UNKL: variants seen among roughly 807,000 people sequenced by gnomAD.
UNKL encodes the protein unk like zinc finger.
In UNKL, 60 loss-of-function variants were observed where a neutral mutation model predicts 78.0. The observed-to-expected ratio is 0.77, with a 90% confidence interval of 0.63 to 0.95. The LOEUF (loss-of-function observed/expected upper bound fraction) is 0.95, where lower values mean the gene tolerates loss of function less well. Among genes scored for constraint, UNKL ranks in the 40% least tolerant of loss-of-function variants. The pLI, the probability that UNKL is intolerant of heterozygous loss-of-function variation, is 0.00. For synonymous variants in UNKL, 608 were observed against 474.8 expected (o/e 1.28, Z -3.65); for missense variants, 1,159 against 1,045.7 (o/e 1.11, Z -1.49).
Position 1,413,878 on chromosome 16 carries a change from G to C in UNKL, c.255C>G (p.Asn85Lys), listed in dbSNP as rs1189803823. ...CGTCGGGGCACACGCCGGTGGCTTC[G>C]TTGTACTTGGAGCAGTACACGTCGG... ...YSPDVYCSKY[N>K]EATGVCPDGD... Residue 85 changes from asparagine to lysine, a missense_variant, in exon 2 of 15, where the codon AAC (asparagine) becomes AAG (lysine). Transcript: ENST00000389221. 3 of 1,538,370 alleles carry C rather than the reference G, an allele frequency of 2.0e-6. No homozygotes were observed. The highest frequency in any genetic ancestry group is 2.6e-6 in the Non-Finnish European group (3 of 1,135,836).
rs774326698 is a variant in UNKL, at chr16:1,399,410, C to T, written c.698G>A (p.Arg233Gln). 15 of 1,604,464 alleles carry T rather than the reference C, an allele frequency of 9.3e-6. No homozygotes were observed. Among genetic ancestry groups the T allele is most frequent in the East Asian group, 2.2e-5 (1 of 44,536 alleles). The change falls in exon 5 of 15, where the codon CGG becomes CAG. Residue 233 changes from arginine to glutamine, a missense_variant. By Grantham distance (43) the Arg-to-Gln change is conservative. Transcript: ENST00000389221. The surrounding 1 kb of genome is among the most constrained non-coding windows in gnomAD (Gnocchi z 5.8). ...GYACPHYHNSRDRRRNPRRFQ... is the reference protein window; with the variant it reads ...GYACPHYHNSQDRRRNPRRFQ... Reference sequence around the variant, plus strand: ...CCGCCGGGGGTTGCGCCGCCTGTCCCGGCTATTGTGGTAGTGTGGGCACGC... The same window carrying T: ...CCGCCGGGGGTTGCGCCGCCTGTCCTGGCTATTGTGGTAGTGTGGGCACGC...
intron 13 of UNKL, 119 bp downstream of exon 13, chr16:1,367,537 G>T: frequency 1.9e-6 from 1 of 534,494 alleles, no homozygotes; most frequent in Non-Finnish European, 2.5e-6. Flanking sequence ...CCCCCCACAC[G>T]CTCACCTGAG....
intron 2 of UNKL, chr16:1,412,021 G>T (rs1468974144): frequency 6.6e-6 from 1 of 152,174 alleles, no homozygotes; most frequent in African/African-American, 2.4e-5. Flanking sequence ...TGGAGAATCA[G>T]CTCCTTCCAA....
At chr16:1,379,474 G>A (rs1391680261) in intron 10 of UNKL, 2 of 984,728 alleles carry the variant, frequency 2.0e-6, no homozygotes, top group Admixed American at 6.2e-5. Flanking sequence ...CCGGGCCTCT[G>A]AGAAGCCCGG....
At position 1,371,626 on chromosome 16, in the gene UNKL, C is replaced by T; in HGVS notation, c.1265-15G>A. On this transcript the variant is annotated splice_polypyrimidine_tract_variant and intron_variant, in intron 10 of 14. Coordinates refer to ENST00000389221, the MANE Select transcript of UNKL (RefSeq NM_001372107.1). ...TAACGCAGAACCTGTCAACAGAGCC[C>T]CCCATCATCCACAGCCCACCCAGCG... The T allele has an allele frequency of 6.5e-7, 1 of 1,535,626 alleles. No individual in the cohort carries two copies. Among genetic ancestry groups the T allele is most frequent in the South Asian group, 1.2e-5 (1 of 84,036 alleles).
intron 12 of UNKL, chr16:1,368,065 C>A: frequency 3.7e-6 from 2 of 547,310 alleles, no homozygotes; most frequent in East Asian, 3.0e-5. Flanking sequence ...TGACACCTGC[C>A]CCGGCCGGTC....
At position 1,387,543 on chromosome 16, in the gene UNKL, C is replaced by T. The variant is rs1014887901; in HGVS notation, c.1087-2158G>A. Among the ~76,000 whole-genome samples the T allele has an allele frequency of 2.6e-5, 4 of 152,106 alleles. No homozygotes were observed. Among genetic ancestry groups the T allele is most frequent in the African/African-American group, 4.8e-5 (2 of 41,416 alleles). ...CGATGGCTTGGATCGGGGAGGGAGCCGACCTTCTCTACCAGCAAAGGACAG... is the reference window on the plus strand; with the variant it reads ...CGATGGCTTGGATCGGGGAGGGAGCTGACCTTCTCTACCAGCAAAGGACAG... On this transcript the variant is annotated intron_variant, in intron 9 of 14. Transcript: ENST00000389221. The surrounding 1 kb of genome is among the most constrained non-coding windows in gnomAD (Gnocchi z 4.1).
chr16:1,385,172 G>C, intron 10 of UNKL, 36 bp downstream of exon 10: 1 of 1,238,508 alleles, frequency 8.1e-7, no homozygotes, highest in Middle Eastern at 3.1e-4. Flanking sequence ...AACACAGAAG[G>C]AGGTCAGGGA....
rs1452719855 is a variant in UNKL, at chr16:1,401,721, T to C, written c.465-20A>G. On this transcript the variant is annotated intron_variant, in intron 3 of 14. Coordinates refer to ENST00000389221, the MANE Select transcript of UNKL (RefSeq NM_001372107.1). ...AGCTCCCTGCAAGCCGAGGACACAG[T>C]GGTCACAGCTCTGCATCTGGAGCCT... is the stretch of plus-strand genomic sequence containing the variant. The C allele has an allele frequency of 1.9e-6, 3 of 1,597,336 alleles. No individual in the cohort carries two copies. Among genetic ancestry groups the C allele is most frequent in the African/African-American group, 1.3e-5 (1 of 74,834 alleles).
intron 12 of UNKL, 91 bp from the exon 13 acceptor site, chr16:1,367,949 C>T: frequency 1.2e-5 from 15 of 1,209,890 alleles, no homozygotes; most frequent in Non-Finnish European, 1.7e-5. Flanking sequence ...CCCACCGCTA[C>T]GTGGGCACCC....
At chr16:1,385,056 C>A (rs888264859) in intron 10 of UNKL, among the ~76,000 whole-genome samples, 152 bp downstream of exon 10, 1 of 152,256 alleles carries the variant, frequency 6.6e-6, no homozygotes, top group African/African-American at 2.4e-5. Flanking sequence ...TGCAACACAA[C>A]CAAAGTGACA....
At chr16:1,382,141 G>A (rs2036627402) in intron 10 of UNKL, among the ~76,000 whole-genome samples, 1 of 152,216 alleles carries the variant, frequency 6.6e-6, no homozygotes, top group South Asian at 2.1e-4. Context: ...ATGTGGGCTT[G>A]TTTCTGCCTG....
intron 10 of UNKL, among the ~76,000 whole-genome samples, chr16:1,376,731 C>T (rs1474977045): frequency 2.0e-5 from 3 of 152,006 alleles, no homozygotes; most frequent in Admixed American, 1.3e-4. Flanking sequence ...CCTGATGCTG[C>T]GGATAGCACG....
intron 9 of UNKL, among the ~76,000 whole-genome samples, chr16:1,389,055 C>CCCCCGG (rs887992266): frequency 3.8e-4 from 57 of 151,030 alleles, no homozygotes; most frequent in Admixed American, 1.8e-3. Flanking sequence ...CTTGCCCCCT[C>CCCCCGG]CCCCGGCCCC....
chr16:1,390,011 G>C (rs570453151), intron 9 of UNKL, among the ~76,000 whole-genome samples: 84 of 152,220 alleles, frequency 5.5e-4, no homozygotes, highest in African/African-American at 2.0e-3. Context: ...TTCAGAGACA[G>C]AGTCTCACAG....
At position 1,364,560 on chromosome 16, in the gene UNKL, G is replaced by C. The variant is rs1452718359; in HGVS notation, c.*1680C>G. On this transcript the variant is annotated 3_prime_UTR_variant, in exon 15 of 15. Transcript: ENST00000389221. ...GACAGTCCCAGCCCTGAGCAGAAGG[G>C]TCAGGTCATCGCGGGGATGCGTTCT... 3 of 152,264 alleles carry C rather than the reference G, an allele frequency of 2.0e-5. No homozygotes were observed. The highest frequency in any genetic ancestry group is 4.4e-5 in the Non-Finnish European group (3 of 68,074). 9.4% of individuals were successfully genotyped at this position (152,264 alleles called of 1,614,324 possible).
chr16:1,382,388 G>A (rs1259744224), intron 10 of UNKL, among the ~76,000 whole-genome samples: 3 of 152,212 alleles, frequency 2.0e-5, no homozygotes. Context: ...CCTTCCCTGG[G>A]CAGGGCAGCC....
In UNKL at chr16:1,367,774, G is replaced by A. The variant is rs1207053076; in HGVS notation, c.1670C>T (p.Pro557Leu). 3 of 1,573,366 alleles carry A rather than the reference G, an allele frequency of 1.9e-6. No homozygotes were observed. In the South Asian group the frequency reaches 3.5e-5, roughly 18 times the overall value. The change falls in exon 13 of 15, where the codon CCC (proline) becomes CTC (leucine). Residue 557 changes from proline to leucine, a missense_variant. Transcript: ENST00000389221. The stretch of plus-strand genomic sequence containing the variant: ...TGGACTTGCACTCGAAGAGGATGGG[G>A]GGCCGGCACTCAGGATGGGGGAGGG... ...PSPSPILSAG[P>L]PSSSSASPNG...
At chr16:1,414,190 G>A (rs1364632210) in intron 1 of UNKL, 135 bp from the exon 2 acceptor site, 5 of 886,634 alleles carry the variant, frequency 5.6e-6, no homozygotes, top group Non-Finnish European at 8.3e-6. Flanking sequence ...GCGGGCCCCA[G>A]GCGCTGCGCC....
Sources: gnomAD v4.1 joint callset for allele counts (sites outside exome capture counted in the v4.1 genomes callset) on GRCh38, gnomAD v4.1.1 for gene constraint, Gnocchi (gnomAD v3.1) non-coding constraint, MANE v1.5 for transcripts, NCBI Gene and HGNC (gene_info 2026-07-23, HGNC 2026-07-21) for gene names.